The following LPCAT2 variants were observed in gnomAD, a reference collection of about 807,000 sequenced individuals.
LPCAT2 encodes lysophosphatidylcholine acyltransferase 2.
LPCAT2 carries 58 observed loss-of-function variants against 64.7 expected under a neutral mutation model. The observed-to-expected ratio is 0.90, with a 90% CI of 0.73 to 1.12. LPCAT2 has a LOEUF of 1.12. Among genes scored for constraint, LPCAT2 ranks in the 50% most tolerant of loss-of-function variants. LPCAT2 has a pLI of 0.00. For synonymous variants in LPCAT2, 252 were observed against 245.3 expected, an observed-to-expected ratio of 1.03 and a Z score of -0.26; for missense variants, 579 against 669.8, an observed-to-expected ratio of 0.86 and a Z score of 1.50.
In LPCAT2 at chr16:55,579,123, T is replaced by C; in HGVS notation, c.1329T>C (p.Asp443=). The change falls in exon 13 of 14, where the codon GAT becomes GAC. Residue 443 remains aspartate (D), a synonymous_variant. Coordinates refer to ENST00000262134, the MANE Select transcript of LPCAT2 (RefSeq NM_017839.5). ...IQVAFKLFDV[D]EDGYITEEEF... ...ATTTTCTTCAGCTGTTTGACGTTGATGAGGATGGCTACATAACGGAGGAAG... is the reference window on the plus strand; with the variant it reads ...ATTTTCTTCAGCTGTTTGACGTTGACGAGGATGGCTACATAACGGAGGAAG... The C allele has an allele frequency of 6.2e-7, 1 of 1,613,072 alleles. No individual in the cohort carries two copies. Among genetic ancestry groups the C allele is most frequent in the Non-Finnish European group, 8.5e-7 (1 of 1,179,396 alleles).
At chr16:55,582,805 G>A in intron 13 of LPCAT2, 109 bp from the exon 14 acceptor site, 2 of 681,806 alleles carry the variant, frequency 2.9e-6, no homozygotes, top group South Asian at 4.2e-5. Context: ...TTTGTGTGTT[G>A]GGTAGTAGAA....
chr16:55,514,890 T>G (rs1055953221), intron 1 of LPCAT2, among the ~76,000 whole-genome samples: 1 of 141,236 alleles, frequency 7.1e-6, no homozygotes, highest in Admixed American at 7.1e-5. Flanking sequence ...ATGCAATGCA[T>G]TGTGTGTGTG....
At chr16:55,571,905 T>C (rs535357180) in intron 11 of LPCAT2, among the ~76,000 whole-genome samples, 1 of 152,150 alleles carries the variant, frequency 6.6e-6, no homozygotes, top group Non-Finnish European at 1.5e-5. Context: ...TTTTCATTGG[T>C]AAAATGAAGA....
At chr16:55,513,096 A>G (rs1418528216) in intron 1 of LPCAT2, among the ~76,000 whole-genome samples, 2 of 152,208 alleles carry the variant, frequency 1.3e-5, no homozygotes, top group African/African-American at 4.8e-5. Flanking sequence ...AGAAATAGGA[A>G]AATGTGACCT....
intron 8 of LPCAT2, chr16:55,542,158 C>A (rs1963405907): frequency 3.6e-6 from 1 of 276,974 alleles, no homozygotes; most frequent in African/African-American, 2.3e-5. Flanking sequence ...TGATGGATGT[C>A]TTAAATAGTA....
chr16:55,562,386 C>T (rs1963646326), intron 11 of LPCAT2, among the ~76,000 whole-genome samples: 1 of 151,866 alleles, frequency 6.6e-6, no homozygotes. Flanking sequence ...ATTCATTGAT[C>T]CCTTTTTGTG....
Position 55,532,883 on chromosome 16 carries a change from G to A in LPCAT2, c.762+1G>A. On this transcript the variant is annotated splice_donor_variant, in intron 6 of 13. Coordinates refer to ENST00000262134, the MANE Select transcript of LPCAT2 (RefSeq NM_017839.5). LOFTEE classifies it high-confidence loss of function. ...CCTCCTCAGATACCCAAACAAGCTGGTAAGCACAGTATTTTACCACAGGAA... is the reference window on the plus strand; with the variant it reads ...CCTCCTCAGATACCCAAACAAGCTGATAAGCACAGTATTTTACCACAGGAA... The A allele has an allele frequency of 6.2e-7, 1 of 1,610,694 alleles. No homozygotes were observed. The highest frequency in any genetic ancestry group is 8.5e-7 in the Non-Finnish European group (1 of 1,177,584).
Position 55,579,179 on chromosome 16 carries a change from G to T in LPCAT2, c.1385G>T (p.Gly462Val). The T allele has an allele frequency of 1.9e-6, 3 of 1,613,570 alleles. No individual in the cohort carries two copies. Among genetic ancestry groups the T allele is most frequent in the Non-Finnish European group, 1.7e-6 (2 of 1,179,696 alleles). ...TCCACCATTCTACAGGCTTCCCTTG[G>T]AGTGCCTGACCTTGATGTTTCTGGT... ...EFSTILQASLGVPDLDVSGLF... is the reference protein window; with the variant it reads ...EFSTILQASLVVPDLDVSGLF... Residue 462 changes from glycine (G) to valine (V), a missense_variant, in exon 13 of 14, where the codon GGA becomes GTA. Transcript: ENST00000262134.
chr16:55,555,620 T>C (rs1294023250), intron 11 of LPCAT2, among the ~76,000 whole-genome samples: 2 of 152,224 alleles, frequency 1.3e-5, no homozygotes, highest in African/African-American at 2.4e-5. Flanking sequence ...TATTCTGTGA[T>C]CTCATAGATG....
chr16:55,532,075 A>AT (rs368644479), intron 5 of LPCAT2, 101 bp downstream of exon 5: 6 of 781,736 alleles, frequency 7.7e-6, no homozygotes, highest in East Asian at 2.5e-5. Context: ...TGCTCTGAGC[A>AT]TTTTTTTCTT....
intron 12 of LPCAT2, 158 bp from the exon 13 acceptor site, chr16:55,578,951 A>G: frequency 1.5e-6 from 1 of 669,990 alleles, no homozygotes; most frequent in Non-Finnish European, 2.6e-6. Flanking sequence ...ACCAAGCTAC[A>G]GGTGTTGTGA....
chr16:55,521,160 A>G (rs1963090301), intron 1 of LPCAT2, among the ~76,000 whole-genome samples: 1 of 151,836 alleles, frequency 6.6e-6, no homozygotes, highest in African/African-American at 2.4e-5. Context: ...AGAATGAAAC[A>G]GCATATATCA....
chr16:55,539,379 A>G (rs1171549566), intron 8 of LPCAT2: 1 of 152,064 alleles, frequency 6.6e-6, no homozygotes, highest in African/African-American at 2.4e-5. Context: ...TCACAAATAA[A>G]ATGACTTTCA....
intron 11 of LPCAT2, among the ~76,000 whole-genome samples, chr16:55,557,499 G>A (rs1401605907): frequency 6.6e-6 from 1 of 152,178 alleles, no homozygotes; most frequent in East Asian, 1.9e-4. Context: ...CAGCTCCATA[G>A]TTTGTTTCTC....
At chr16:55,541,779 T>C (rs1278556854) in intron 8 of LPCAT2, 7 of 957,328 alleles carry the variant, frequency 7.3e-6, no homozygotes, top group African/African-American at 3.5e-5. Context: ...AAGTTACTTA[T>C]GTGCTGGCAC....
intron 1 of LPCAT2, among the ~76,000 whole-genome samples, chr16:55,513,168 G>C (rs112717989): frequency 6.6e-6 from 1 of 152,132 alleles, no homozygotes; most frequent in Non-Finnish European, 1.5e-5. Flanking sequence ...GTAGGACTTC[G>C]CAGAAAAATA....
At chr16:55,559,987 A>C (rs1041114168) in intron 11 of LPCAT2, among the ~76,000 whole-genome samples, 1 of 152,136 alleles carries the variant, frequency 6.6e-6, no homozygotes, top group Admixed American at 6.5e-5. Context: ...TATATGCTTT[A>C]CTTTTGGCTT....
chr16:55,524,679 A>G (rs1228633424), intron 1 of LPCAT2, among the ~76,000 whole-genome samples: 1 of 152,056 alleles, frequency 6.6e-6, no homozygotes, highest in African/African-American at 2.4e-5. Flanking sequence ...TAATATAATC[A>G]GCTTATAGAA....
chr16:55,548,344 C>T (rs1373158942), intron 9 of LPCAT2, among the ~76,000 whole-genome samples: 1 of 151,824 alleles, frequency 6.6e-6, no homozygotes, highest in Non-Finnish European at 1.5e-5. Context: ...GTTATACTTT[C>T]CCTTAAGGAT....
Sources: allele counts gnomAD v4.1 joint callset (sites outside exome capture counted in the v4.1 genomes callset), GRCh38; gene constraint gnomAD v4.1.1; transcripts MANE v1.5; gene names NCBI Gene and HGNC (gene_info 2026-07-23, HGNC 2026-07-21).